The following LANCL2 variants were observed in gnomAD, a reference collection of about 807,000 sequenced individuals.
The protein encoded by LANCL2 is LanC like glutathione S-transferase 2.
A neutral mutation model predicts 56.9 loss-of-function variants in LANCL2; 33 were observed. That is an observed-to-expected ratio of 0.58 (90% CI 0.44 to 0.78). The LOEUF is 0.78. LANCL2 is among the 30% of genes least tolerant of loss of function. LANCL2 has a pLI of 0.00. For synonymous variants in LANCL2, 233 were observed against 228.2 expected (o/e 1.02, Z -0.19); for missense variants, 562 against 580.2 (o/e 0.97, Z 0.32).
At chr7:55,382,546 G>A (rs1479400529) in intron 1 of LANCL2, among the ~76,000 whole-genome samples, 1 of 152,152 alleles carries the variant, frequency 6.6e-6, no homozygotes, top group Non-Finnish European at 1.5e-5. Flanking sequence ...TTGGAATGAG[G>A]TTTTTAAAGG....
At chr7:55,386,550 T>C (rs1312943074) in intron 1 of LANCL2, among the ~76,000 whole-genome samples, 1 of 152,180 alleles carries the variant, frequency 6.6e-6, no homozygotes, top group Non-Finnish European at 1.5e-5. Context: ...TGCTGTGAGC[T>C]AAGTTGTAGG....
intron 3 of LANCL2, among the ~76,000 whole-genome samples, chr7:55,398,969 A>G (rs189916365): frequency 1.3e-5 from 2 of 152,208 alleles, no homozygotes; most frequent in African/African-American, 4.8e-5. Context: ...AACTGATTAG[A>G]TATGCTAATG....
chr7:55,425,576 T>A (rs1218009126), intron 7 of LANCL2, 146 bp downstream of exon 7: 8 of 733,032 alleles, frequency 1.1e-5, no homozygotes, highest in Non-Finnish European at 1.8e-5. Flanking sequence ...CAGCCTTATC[T>A]GTGGTTTCTC....
intron 5 of LANCL2, 138 bp downstream of exon 5, chr7:55,401,458 C>A (rs915175409): frequency 5.8e-6 from 3 of 519,052 alleles, no homozygotes; most frequent in Non-Finnish European, 9.6e-6. Context: ...CCACATAAAC[C>A]ACAGGCAGTG....
intron 6 of LANCL2, among the ~76,000 whole-genome samples, chr7:55,416,996 T>TG (rs1220466775): frequency 7.0e-6 from 1 of 142,220 alleles, no homozygotes; most frequent in Non-Finnish European, 1.5e-5. Flanking sequence ...TTTTTTTTTT[T>TG]GGAGACAGAG....
At chr7:55,402,594 G>GT (rs1225042355) in intron 5 of LANCL2, among the ~76,000 whole-genome samples, 9 of 2,722 alleles carry the variant, frequency 3.3e-3, no homozygotes, top group South Asian at 0.029. Context: ...GGCTGGCCAG[G>GT]CGGGGGATGA....
rs1184719414 is a variant in LANCL2, at chr7:55,391,892, G to T, written c.304G>T (p.Ala102Ser). The T allele has an allele frequency of 6.3e-7, 1 of 1,589,900 alleles. No individual in the cohort carries two copies. The highest frequency in any genetic ancestry group is 1.3e-5 in the African/African-American group (1 of 74,368). ...LKTADPHDCSAYTGWTGIALL... is the reference protein window; with the variant it reads ...LKTADPHDCSSYTGWTGIALL... The stretch of plus-strand genomic sequence containing the variant: ...GACAGCTGATCCCCATGACTGCTCT[G>T]CTTATACTGGCTGGACAGGTGAGGC... Residue 102 changes from alanine to serine, a missense_variant, in exon 2 of 9, where the codon GCT becomes TCT. Transcript: ENST00000254770.
chr7:55,372,310 G>A (rs945305428), intron 1 of LANCL2, among the ~76,000 whole-genome samples: 19 of 152,170 alleles, frequency 1.2e-4, no homozygotes, highest in African/African-American at 4.6e-4. Context: ...GCAGGTAACA[G>A]TTTTAATAGT....
chr7:55,369,929 T>C (rs566456014), intron 1 of LANCL2, among the ~76,000 whole-genome samples: 3 of 152,224 alleles, frequency 2.0e-5, no homozygotes, highest in Non-Finnish European at 4.4e-5. Flanking sequence ...CCCCTGTGAT[T>C]AGCTCTGTTG....
At chr7:55,401,090 C>A in intron 4 of LANCL2, 84 bp from the exon 5 acceptor site, 1 of 1,157,814 alleles carries the variant, frequency 8.6e-7, no homozygotes, top group South Asian at 1.5e-5. Flanking sequence ...CTATATATGT[C>A]ATATATATAT....
At chr7:55,400,187 TTACTTC>T (rs1380224487) in intron 4 of LANCL2, 83 bp downstream of exon 4, 1 of 1,191,266 alleles carries the variant, frequency 8.4e-7, no homozygotes, top group East Asian at 2.7e-5. Context: ...CAGCTGGACT[TTACTTC>T]TAGGTAGCAT....
chr7:55,414,983 C>CAAAAA (rs372708498), intron 6 of LANCL2, among the ~76,000 whole-genome samples: 8 of 62,048 alleles, frequency 1.3e-4, no homozygotes, highest in African/African-American at 3.2e-4. Context: ...GACCCTACCT[C>CAAAAA]AAAAAAAAAA....
At chr7:55,420,745 C>T (rs1252129344) in intron 6 of LANCL2, among the ~76,000 whole-genome samples, 2 of 152,208 alleles carry the variant, frequency 1.3e-5, no homozygotes, top group Non-Finnish European at 2.9e-5. Flanking sequence ...CAGGGAACTT[C>T]GTTTACAGAT....
rs1489139949 is a variant in LANCL2, at chr7:55,400,110, A to G, written c.678+6A>G. ...GTGAGTCAGCTATTAAAGAGGTACTATGGGGTATGGGTAACTATGGGCGTC... is the reference window on the plus strand; with the variant it reads ...GTGAGTCAGCTATTAAAGAGGTACTGTGGGGTATGGGTAACTATGGGCGTC... On this transcript the variant is annotated splice_donor_region_variant and intron_variant, in intron 4 of 8. Transcript: ENST00000254770. The G allele has an allele frequency of 2.5e-6, 4 of 1,583,200 alleles. No homozygotes were observed. Among genetic ancestry groups the G allele is most frequent in the South Asian group, 1.2e-5 (1 of 86,432 alleles).
At chr7:55,367,893 G>A (rs557397546) in intron 1 of LANCL2, among the ~76,000 whole-genome samples, 3 of 152,294 alleles carry the variant, frequency 2.0e-5, no homozygotes, top group African/African-American at 7.2e-5. Context: ...ACACGGTTTA[G>A]ATTCATATTC....
chr7:55,375,451 A>G (rs1411715213), intron 1 of LANCL2, among the ~76,000 whole-genome samples: 1 of 152,194 alleles, frequency 6.6e-6, no homozygotes, highest in Non-Finnish European at 1.5e-5. Flanking sequence ...CTTTTCACAC[A>G]GCGAGCTCCT....
At chr7:55,405,374 A>T (rs961915167) in intron 5 of LANCL2, among the ~76,000 whole-genome samples, 7 of 152,126 alleles carry the variant, frequency 4.6e-5, no homozygotes, top group African/African-American at 1.4e-4. Flanking sequence ...GCTAATCTCA[A>T]CTGGAAACAC....
chr7:55,382,989 G>A (rs1385061169), intron 1 of LANCL2, among the ~76,000 whole-genome samples: 1 of 152,216 alleles, frequency 6.6e-6, no homozygotes, highest in African/African-American at 2.4e-5. Flanking sequence ...CAGCATGGTG[G>A]CTCACGCCTG....
chr7:55,416,968 GGTTTT>G (rs1790546718), intron 6 of LANCL2, among the ~76,000 whole-genome samples: 1 of 109,076 alleles, frequency 9.2e-6, no homozygotes, highest in African/African-American at 3.5e-5. Context: ...CAAACGAGGT[GGTTTT>G]TTTTTTTTTT....
Sources: gnomAD v4.1 joint callset for allele counts (sites outside exome capture counted in the v4.1 genomes callset) on GRCh38, gnomAD v4.1.1 for gene constraint, MANE v1.5 for transcripts, NCBI Gene and HGNC (gene_info 2026-07-23, HGNC 2026-07-21) for gene names.